The following BMAL1 variants were observed in gnomAD, a reference collection of about 807,000 sequenced individuals.
BMAL1 encodes basic helix-loop-helix ARNT like 1, also known as basic helix-loop-helix ARNT-like protein 1.
the BMAL1 span, among the ~76,000 whole-genome samples, chr11:13,322,911 C>G: frequency 1.2e-4 from 18 of 150,364 alleles, no homozygotes; most frequent in East Asian, 3.3e-3. Context: ...CTGCTTCAGC[C>G]TCCCAAGTAG....
the BMAL1 span, among the ~76,000 whole-genome samples, chr11:13,284,951 C>G: frequency 1.3e-5 from 2 of 152,136 alleles, no homozygotes; most frequent in Non-Finnish European, 2.9e-5. Flanking sequence ...GAGGTTCAGT[C>G]CTCCTTGCCT....
chr11:13,322,109 C>T, the BMAL1 span, among the ~76,000 whole-genome samples: 2 of 152,120 alleles, frequency 1.3e-5, no homozygotes, highest in South Asian at 4.1e-4. Context: ...TCTGTGACCT[C>T]GGGCTAATCA....
At chr11:13,295,334 GGA>G in the BMAL1 span, among the ~76,000 whole-genome samples, 86,987 of 151,492 alleles carry the variant, frequency 0.57, 27,339 homozygotes, top group Non-Finnish European at 0.7. Flanking sequence ...TGTGGTAGAG[GGA>G]GAGAGAGAGA....
the BMAL1 span, among the ~76,000 whole-genome samples, chr11:13,290,137 T>C: frequency 2.0e-5 from 3 of 152,378 alleles, no homozygotes; most frequent in East Asian, 1.9e-4. Context: ...TGACCAGTGA[T>C]GATGAGCATT....
the BMAL1 span, among the ~76,000 whole-genome samples, chr11:13,313,025 G>T: frequency 6.6e-6 from 1 of 152,206 alleles, no homozygotes; most frequent in Non-Finnish European, 1.5e-5. Context: ...GAGCTCGTTG[G>T]GGGTAAAATC....
the BMAL1 span, among the ~76,000 whole-genome samples, chr11:13,361,661 A>G: frequency 6.6e-6 from 1 of 152,194 alleles, no homozygotes; most frequent in Non-Finnish European, 1.5e-5. Flanking sequence ...GGACCAGAAG[A>G]CCTGATGAAT....
the BMAL1 span, among the ~76,000 whole-genome samples, chr11:13,331,666 GT>G: frequency 1.3e-5 from 2 of 152,194 alleles, no homozygotes; most frequent in Non-Finnish European, 2.9e-5. Flanking sequence ...ATCATGGTGG[GT>G]TTTTTCTGAG....
chr11:13,354,372 G>A, the BMAL1 span: 1,045 of 1,614,080 alleles, frequency 6.5e-4, 5 homozygotes, highest in African/African-American at 0.013. Flanking sequence ...GGGCCCCACC[G>A]ACCTGCTTTC....
At chr11:13,336,748 A>G in the BMAL1 span, among the ~76,000 whole-genome samples, 1 of 152,174 alleles carries the variant, frequency 6.6e-6, no homozygotes, top group Non-Finnish European at 1.5e-5. Flanking sequence ...TGAACACGAC[A>G]CCTAAAAGGC....
At chr11:13,384,918 A>G in the BMAL1 span, among the ~76,000 whole-genome samples, 2 of 152,186 alleles carry the variant, frequency 1.3e-5, no homozygotes, top group Non-Finnish European at 1.5e-5. Context: ...TGGAGTCCTC[A>G]ATGATTTTTT....
chr11:13,358,442 ACAGT>A, the BMAL1 span: 1 of 1,594,794 alleles, frequency 6.3e-7, no homozygotes, highest in Non-Finnish European at 8.5e-7. Flanking sequence ...AGGGAAGCTC[ACAGT>A]CAGATTGAAA....
the BMAL1 span, among the ~76,000 whole-genome samples, chr11:13,323,751 G>C: frequency 6.6e-6 from 1 of 152,104 alleles, no homozygotes; most frequent in African/African-American, 2.4e-5. Context: ...CGAGTAGCTG[G>C]GATTACAGTC....
At chr11:13,288,802 C>T in the BMAL1 span, among the ~76,000 whole-genome samples, 1 of 152,168 alleles carries the variant, frequency 6.6e-6, no homozygotes, top group Admixed American at 6.5e-5. Flanking sequence ...TGTTAATCAG[C>T]ATGGTGTTAT....
At chr11:13,277,401 C>A in the BMAL1 span, among the ~76,000 whole-genome samples, 1 of 152,068 alleles carries the variant, frequency 6.6e-6, no homozygotes, top group South Asian at 2.1e-4. Flanking sequence ...TAGTGGGAGA[C>A]CTGAGGGGAA....
At chr11:13,342,568 T>G in the BMAL1 span, among the ~76,000 whole-genome samples, 1 of 152,162 alleles carries the variant, frequency 6.6e-6, no homozygotes, top group African/African-American at 2.4e-5. Context: ...GGGCTGCGTT[T>G]AAAGGTCCAA....
the BMAL1 span, among the ~76,000 whole-genome samples, chr11:13,340,782 A>G: frequency 2.0e-5 from 3 of 152,126 alleles, no homozygotes; most frequent in East Asian, 5.8e-4. Flanking sequence ...ATCTCCTGAC[A>G]TCACTTTTCC....
the BMAL1 span, among the ~76,000 whole-genome samples, chr11:13,385,496 G>T: frequency 1.3e-5 from 2 of 152,216 alleles, no homozygotes; most frequent in Non-Finnish European, 2.9e-5. Flanking sequence ...AAAATGGAGA[G>T]AAAAGAATAG....
the BMAL1 span, among the ~76,000 whole-genome samples, chr11:13,326,980 C>T: frequency 1.6e-4 from 24 of 152,012 alleles, no homozygotes; most frequent in South Asian, 1.2e-3. Context: ...CCACCACGCC[C>T]GGCTAATTTT....
the BMAL1 span, among the ~76,000 whole-genome samples, chr11:13,284,192 ATGTGTG>A: frequency 0.017 from 1,035 of 59,540 alleles, 91 homozygotes; most frequent in African/African-American, 0.044. Context: ...ATATATATAT[ATGTGTG>A]TATATATATA....
Sources: gnomAD v4.1 joint callset for allele counts (sites outside exome capture counted in the v4.1 genomes callset) on GRCh38, gnomAD v4.1.1 for gene constraint, MANE v1.5 for transcripts, NCBI Gene and HGNC (gene_info 2026-07-23, HGNC 2026-07-21) for gene names.